Variants in UBE3B observed in about 807,000 individuals in gnomAD.
UBE3B encodes the protein ubiquitin-protein ligase E3B.
A neutral mutation model predicts 132.3 loss-of-function variants in UBE3B; 80 were observed. That is an observed-to-expected ratio of 0.60 (90% CI 0.50 to 0.73). UBE3B has a LOEUF of 0.73. UBE3B is among the 30% of genes least tolerant of loss of function. The pLI is 0.00. For missense variants in UBE3B, 1,196 were observed against 1,362.5 expected, an observed-to-expected ratio of 0.88 and a Z score of 1.92; for synonymous variants, 487 against 520.4, an observed-to-expected ratio of 0.94 and a Z score of 0.87.
chr12:109,521,017 A>C lies in UBE3B; in HGVS notation c.2077-131A>C. ...AAAGCAGGTGAGAACGGCTCCTGTC[A>C]TGCATCCACGTTTCATAATTTGCAC... On this transcript the variant is annotated intron_variant, in intron 19 of 27. Transcript: ENST00000342494. The surrounding 1 kb of genome is among the most constrained non-coding windows in gnomAD (Gnocchi z 4.2). 3 of 996,718 alleles carry C rather than the reference A, an allele frequency of 3.0e-6. No individual in the cohort carries two copies. The highest frequency in any genetic ancestry group is 1.7e-5 in the South Asian group (1 of 59,612). The allele number at this position is 996,718 out of a possible 1,614,324, so 61.7% of individuals were successfully genotyped here.
chr12:109,493,872 G>T (rs547479174), intron 9 of UBE3B, among the ~76,000 whole-genome samples: 3 of 152,288 alleles, frequency 2.0e-5, no homozygotes, highest in Admixed American at 6.5e-5. Flanking sequence ...GCCATCAAGG[G>T]TGGAGTGCAG....
At chr12:109,514,417 G>A (rs1182770583) in intron 18 of UBE3B, among the ~76,000 whole-genome samples, 5 of 152,180 alleles carry the variant, frequency 3.3e-5, no homozygotes, top group Non-Finnish European at 5.9e-5. Context: ...GGATAAGCTT[G>A]CCTCAGACTT....
At chr12:109,513,371 A>G (rs1364952478) in intron 18 of UBE3B, among the ~76,000 whole-genome samples, 2 of 152,240 alleles carry the variant, frequency 1.3e-5, no homozygotes, top group Non-Finnish European at 2.9e-5. Context: ...CTGCTAGTTC[A>G]GAGTAGTTCG....
chr12:109,499,948 T>A, intron 12 of UBE3B, 138 bp downstream of exon 12: 1 of 761,816 alleles, frequency 1.3e-6, no homozygotes, highest in Non-Finnish European at 1.8e-6. Context: ...TAATAAATTG[T>A]GAGTAAGAAC....
In UBE3B at chr12:109,529,993, T is replaced by G. The variant is rs1882779879; in HGVS notation, c.2731T>G (p.Trp911Gly). 2 of 1,613,758 alleles carry G rather than the reference T, an allele frequency of 1.2e-6. No individual in the cohort carries two copies. The highest frequency in any genetic ancestry group is 3.3e-4 in the Middle Eastern group (2 of 6,062). The change falls in exon 25 of 28, where the codon TGG (tryptophan) becomes GGG (glycine). Residue 911 changes from tryptophan (W) to glycine (G), a missense_variant. Coordinates refer to ENST00000342494, the MANE Select transcript of UBE3B (RefSeq NM_130466.4). The part of the protein sequence containing the change: ...SGFRSIIKPE[W>G]IRMFSTPELQ... ...ATTCCGTTCCATTATCAAACCCGAG[T>G]GGATCCGAATGTTCTCAACTCCTGA...
chr12:109,488,433 GAA>G, intron 6 of UBE3B, 137 bp from the exon 7 acceptor site: 1 of 788,888 alleles, frequency 1.3e-6, no homozygotes. Flanking sequence ...TTGCCCAAGA[GAA>G]AAAGAATTAA....
Position 109,526,423 on chromosome 12 carries a change from A to G in UBE3B, c.2627+7A>G. 1 of 1,614,090 alleles carries G rather than the reference A, an allele frequency of 6.2e-7. No homozygotes were observed. On this transcript the variant is annotated splice_region_variant and intron_variant, in intron 24 of 27. Coordinates refer to ENST00000342494, the MANE Select transcript of UBE3B (RefSeq NM_130466.4). ...CTGTTACAAATGAAAATAAGTGAGT[A>G]TAGCAATTAGGTTTTTAAGGTCACC...
chr12:109,534,851 G>A lies in UBE3B; in HGVS notation c.*69G>A, dbSNP rs955630087. The A allele has an allele frequency of 1.7e-5, 23 of 1,349,074 alleles. No individual in the cohort carries two copies. The highest frequency in any genetic ancestry group is 7.5e-5 in the African/African-American group (5 of 66,850). 83.6% of individuals were successfully genotyped at this position (1,349,074 alleles called of 1,614,324 possible). Reference sequence around the variant, plus strand: ...ACCTTCAGCTCCCAGAGGCAGTGTGGTCCTGGGAATGTGACCAACATGCCA... The same window carrying A: ...ACCTTCAGCTCCCAGAGGCAGTGTGATCCTGGGAATGTGACCAACATGCCA... On this transcript the variant is annotated 3_prime_UTR_variant, in exon 28 of 28. Transcript: ENST00000342494. This position sits in a 1 kb window ranked among gnomAD's most constrained non-coding sequence, Gnocchi z 5.2.
At chr12:109,502,017 T>C (rs1434660961) in intron 13 of UBE3B, among the ~76,000 whole-genome samples, 1 of 151,948 alleles carries the variant, frequency 6.6e-6, no homozygotes, top group Non-Finnish European at 1.5e-5. Flanking sequence ...AGTTCATATA[T>C]AGCAAAACAA....
At chr12:109,510,874 G>A (rs781638655) in intron 17 of UBE3B, among the ~76,000 whole-genome samples, 11 of 152,200 alleles carry the variant, frequency 7.2e-5, no homozygotes, top group African/African-American at 1.7e-4. Context: ...ACATAGGCAT[G>A]TATCTGCATT....
chr12:109,544,492 T>G, the UBE3B span, among the ~76,000 whole-genome samples: 2 of 152,134 alleles, frequency 1.3e-5, no homozygotes, highest in East Asian at 1.9e-4. Context: ...CCAAATCAAC[T>G]GTCAAAACCG....
intron 12 of UBE3B, 135 bp downstream of exon 12, chr12:109,499,945 T>C: frequency 1.3e-6 from 1 of 778,048 alleles, no homozygotes; most frequent in Non-Finnish European, 1.7e-6. Flanking sequence ...TATTAATAAA[T>C]TGTGAGTAAG....
intron 1 of UBE3B, among the ~76,000 whole-genome samples, chr12:109,479,416 A>G (rs879901596): frequency 1.3e-5 from 2 of 152,104 alleles, no homozygotes; most frequent in Non-Finnish European, 2.9e-5. Context: ...GGACATAGAC[A>G]CTATTATTAC....
chr12:109,525,899 G>A lies in UBE3B; in HGVS notation c.2569-459G>A, dbSNP rs1365157108. Among the ~76,000 whole-genome samples the A allele has an allele frequency of 3.3e-5, 5 of 152,148 alleles. No homozygotes were observed. In the East Asian group the frequency reaches 7.7e-4, roughly 23 times the overall value. On this transcript the variant is annotated intron_variant, in intron 23 of 27. Coordinates refer to ENST00000342494, the MANE Select transcript of UBE3B (RefSeq NM_130466.4). ...GTGCCCGTGATAGTGTGTTACCTGC[G>A]TCCCTTGAGACTCTTTCCCGAGTCT...
At position 109,498,239 on chromosome 12, in the gene UBE3B, A is replaced by T; in HGVS notation, c.826A>T (p.Thr276Ser). 6.2e-7 allele frequency: 1 copy of T among 1,613,978 alleles called. No individual in the cohort carries two copies. Among genetic ancestry groups the T allele is most frequent in the South Asian group, 1.1e-5 (1 of 91,032 alleles). ...GGTCTGCTATTCTTTGCAGCGCCTC[A>T]CTGTTTTAGAATCCCATGACATGCT... ...HLSTVTPERL[T>S]VLESHDMLRK... Residue 276 changes from threonine (T) to serine (S), a missense_variant, in exon 11 of 28, where the codon ACT becomes TCT. Thr to Ser is a moderately conservative substitution (Grantham distance 58). Coordinates refer to ENST00000342494, the MANE Select transcript of UBE3B (RefSeq NM_130466.4).
At chr12:109,516,742 G>A (rs779094781) in intron 18 of UBE3B, 23 bp from the exon 19 acceptor site, 1 of 1,605,506 alleles carries the variant, frequency 6.2e-7, no homozygotes, top group Admixed American at 1.7e-5. Flanking sequence ...CCTGTTTTCT[G>A]ATCCCGCCTT....
intron 9 of UBE3B, among the ~76,000 whole-genome samples, chr12:109,494,763 A>C (rs1877960164): frequency 1.3e-5 from 2 of 152,034 alleles, no homozygotes; most frequent in Admixed American, 6.6e-5. Context: ...CATGCGGACT[A>C]AAAAGATCAC....
At chr12:109,511,110 C>T (rs1208330581) in intron 17 of UBE3B, 94 bp from the exon 18 acceptor site, 3 of 1,076,338 alleles carry the variant, frequency 2.8e-6, no homozygotes, top group Non-Finnish European at 4.1e-6. Flanking sequence ...AGACAGCACC[C>T]TGCATGTGGC....
chr12:109,526,506 A>G, intron 24 of UBE3B, 90 bp downstream of exon 24: 1 of 1,347,648 alleles, frequency 7.4e-7, no homozygotes. Context: ...ATTAAGATAG[A>G]TTGAAGTAGA....
Sources: gnomAD v4.1 joint callset for allele counts (sites outside exome capture counted in the v4.1 genomes callset) on GRCh38, gnomAD v4.1.1 for gene constraint, Gnocchi (gnomAD v3.1) non-coding constraint, MANE v1.5 for transcripts, NCBI Gene and HGNC (gene_info 2026-07-23, HGNC 2026-07-21) for gene names.